FOXN3: variants seen among roughly 807,000 people sequenced by gnomAD.
The protein encoded by FOXN3 is forkhead box N3.
In FOXN3, 7 loss-of-function variants were observed where a neutral mutation model predicts 38.4. The observed-to-expected ratio is 0.18, with a 90% CI of 0.10 to 0.34. The LOEUF (loss-of-function observed/expected upper bound fraction) is 0.34. Among genes scored for constraint, FOXN3 ranks in the 10% least tolerant of loss-of-function variants. The pLI is 1.00. For synonymous variants in FOXN3, 230 were observed against 242.2 expected (o/e 0.95, Z 0.47); for missense variants, 456 against 613.4 (o/e 0.74, Z 2.71).
chr14:89,182,045 G>A (rs190878618), intron 4 of FOXN3, among the ~76,000 whole-genome samples: 67 of 152,206 alleles, frequency 4.4e-4, no homozygotes, highest in African/African-American at 1.5e-3. Context: ...GTGGCAAGGT[G>A]GGTAAATAGT....
chr14:89,426,660 A>C (rs976588780), intron 1 of FOXN3, among the ~76,000 whole-genome samples: 2 of 152,212 alleles, frequency 1.3e-5, no homozygotes, highest in Admixed American at 6.5e-5. Flanking sequence ...ACAGTGTTCT[A>C]AAGCTCCGAA....
At chr14:89,290,816 TC>T (rs2139933582) in intron 3 of FOXN3, 1 of 273,728 alleles carries the variant, frequency 3.7e-6, no homozygotes, top group East Asian at 1.0e-4. Flanking sequence ...GTTAGGCTTC[TC>T]CCTGGTTAAA....
chr14:89,277,167 AAAT>A (rs1403769768), intron 4 of FOXN3, among the ~76,000 whole-genome samples: 1 of 152,246 alleles, frequency 6.6e-6, no homozygotes, highest in Non-Finnish European at 1.5e-5. Context: ...TTCATTAACA[AAAT>A]AAGAGAGATT....
intron 1 of FOXN3, among the ~76,000 whole-genome samples, chr14:89,438,064 T>C (rs557410173): frequency 9.8e-5 from 15 of 152,394 alleles, no homozygotes; most frequent in African/African-American, 3.6e-4. Context: ...ACTAAGATTA[T>C]ATTTAGCATG....
chr14:89,554,473 T>C (rs1018514546), intron 1 of FOXN3, among the ~76,000 whole-genome samples: 2 of 151,990 alleles, frequency 1.3e-5, no homozygotes, highest in Admixed American at 6.6e-5. Context: ...AGAAGGAGAG[T>C]TGGGGCTTTG....
At chr14:89,297,378 C>T (rs537240885) in intron 3 of FOXN3, among the ~76,000 whole-genome samples, 3 of 151,678 alleles carry the variant, frequency 2.0e-5, no homozygotes, top group Middle Eastern at 3.4e-3. Context: ...CTGGCTAACA[C>T]GGTGAAACCC....
chr14:89,217,868 G>A (rs556595660), intron 4 of FOXN3, among the ~76,000 whole-genome samples: 6 of 152,290 alleles, frequency 3.9e-5, no homozygotes, highest in Admixed American at 2.0e-4. Flanking sequence ...CACTGCTGCC[G>A]GGCCTGGCTC....
At chr14:89,587,770 G>C (rs1895871793) in intron 1 of FOXN3, among the ~76,000 whole-genome samples, 1 of 151,498 alleles carries the variant, frequency 6.6e-6, no homozygotes, top group Admixed American at 6.6e-5. Context: ...GGAGGCTGAG[G>C]CAGGAAAACT....
At chr14:89,415,891 TG>T (rs748119288) in intron 1 of FOXN3, among the ~76,000 whole-genome samples, 21 of 113,010 alleles carry the variant, frequency 1.9e-4, no homozygotes, top group East Asian at 9.9e-4. Context: ...CACCCTCTTT[TG>T]TTTTTTTTAT....
intron 1 of FOXN3, among the ~76,000 whole-genome samples, chr14:89,517,562 C>G (rs962563293): frequency 3.9e-5 from 6 of 152,118 alleles, no homozygotes; most frequent in Admixed American, 2.6e-4. Flanking sequence ...CTCACGAGCA[C>G]TTACTCACTA....
chr14:89,324,464 G>GCA (rs1472932454), intron 3 of FOXN3, among the ~76,000 whole-genome samples: 1 of 151,464 alleles, frequency 6.6e-6, no homozygotes, highest in African/African-American at 2.4e-5. Context: ...GTGTGTGTGT[G>GCA]TGTGTGTGTG....
At chr14:89,347,106 G>C (rs1888782659) in intron 3 of FOXN3, among the ~76,000 whole-genome samples, 1 of 151,974 alleles carries the variant, frequency 6.6e-6, no homozygotes, top group Non-Finnish European at 1.5e-5. Flanking sequence ...TTGCTATGGG[G>C]TGATTTATGC....
chr14:89,583,476 C>A (rs1036415987), intron 1 of FOXN3, among the ~76,000 whole-genome samples: 1 of 152,232 alleles, frequency 6.6e-6, no homozygotes, highest in Non-Finnish European at 1.5e-5. Context: ...AAGGCCCTCA[C>A]CAGACCCAAT....
chr14:89,251,784 A>G (rs1348634570), intron 4 of FOXN3, among the ~76,000 whole-genome samples: 1 of 152,246 alleles, frequency 6.6e-6, no homozygotes, highest in Non-Finnish European at 1.5e-5. Flanking sequence ...TACTATAAAC[A>G]AATAACTTGG....
intron 1 of FOXN3, among the ~76,000 whole-genome samples, chr14:89,611,554 C>G (rs991953683): frequency 1.3e-5 from 2 of 152,148 alleles, no homozygotes; most frequent in Admixed American, 6.5e-5. Context: ...CGCCTGTAAT[C>G]CCAGCACTTT....
At chr14:89,536,806 T>C (rs1266501923) in intron 1 of FOXN3, among the ~76,000 whole-genome samples, 1 of 152,018 alleles carries the variant, frequency 6.6e-6, no homozygotes, top group Non-Finnish European at 1.5e-5. Flanking sequence ...TTAAAAAGAT[T>C]TTTAAAAAAA....
At chr14:89,250,393 G>T (rs571374023) in intron 4 of FOXN3, among the ~76,000 whole-genome samples, 1 of 152,248 alleles carries the variant, frequency 6.6e-6, no homozygotes, top group African/African-American at 2.4e-5. Flanking sequence ...TTACAGGCAT[G>T]AGCCACTGCA....
chr14:89,579,913 T>C (rs781010203), intron 1 of FOXN3, among the ~76,000 whole-genome samples: 1 of 152,154 alleles, frequency 6.6e-6, no homozygotes, highest in African/African-American at 2.4e-5. Flanking sequence ...ACATACCCAA[T>C]AACACTTAAT....
intron 4 of FOXN3, among the ~76,000 whole-genome samples, chr14:89,205,345 G>A (rs1888353257): frequency 6.6e-6 from 1 of 152,148 alleles, no homozygotes; most frequent in Non-Finnish European, 1.5e-5. Flanking sequence ...GAAGTGCCGG[G>A]TACAGAAGGG....
Sources: allele counts gnomAD v4.1 joint callset (sites outside exome capture counted in the v4.1 genomes callset), GRCh38; gene constraint gnomAD v4.1.1; transcripts MANE v1.5; gene names NCBI Gene and HGNC (gene_info 2026-07-23, HGNC 2026-07-21).